The following AFDN variants were observed in gnomAD, a reference collection of about 807,000 sequenced individuals.
AFDN encodes the protein afadin.
A neutral mutation model predicts 216.6 loss-of-function variants in AFDN; 68 were observed. The observed-to-expected ratio is 0.31, with a 90% CI of 0.26 to 0.38. AFDN has a LOEUF of 0.38. Among genes scored for constraint, AFDN ranks in the 10% least tolerant of loss-of-function variants. The pLI is 1.00. For synonymous variants in AFDN, 868 were observed against 853.7 expected, an observed-to-expected ratio of 1.02 and a Z score of -0.29; for missense variants, 2,136 against 2,342.0, an observed-to-expected ratio of 0.91 and a Z score of 1.82.
intron 23 of AFDN, among the ~76,000 whole-genome samples, chr6:167,925,857 AAT>A (rs529922846): frequency 1.1e-3 from 175 of 152,312 alleles, no homozygotes; most frequent in African/African-American, 3.9e-3. Context: ...CCATGAAACA[AAT>A]ATGTGTTTAG....
Position 167,951,790 on chromosome 6 carries a change from G to T in AFDN, c.4436G>T (p.Arg1479Leu). 6.2e-7 allele frequency: 1 copy of T among 1,614,108 alleles called. No individual in the cohort carries two copies. Among genetic ancestry groups the T allele is most frequent in the Non-Finnish European group, 8.5e-7 (1 of 1,180,032 alleles). Residue 1479 changes from arginine to leucine, a missense_variant, in exon 30 of 34, where the codon CGG becomes CTG. Coordinates refer to ENST00000683244, the MANE Select transcript of AFDN (RefSeq NM_001386888.1). The surrounding 1 kb of genome is among the most constrained non-coding windows in gnomAD (Gnocchi z 7.1). Reference sequence around the variant, plus strand: ...CCCGAAAAGCCTTCCACACTCCAGCGGCCACAGGAAACAGTCATTCGGGAG... The same window carrying T: ...CCCGAAAAGCCTTCCACACTCCAGCTGCCACAGGAAACAGTCATTCGGGAG... The part of the protein sequence containing the change: ...MKPEKPSTLQ[R>L]PQETVIRELQ...
chr6:167,843,561 A>G (rs1471261980), intron 1 of AFDN, among the ~76,000 whole-genome samples: 1 of 152,244 alleles, frequency 6.6e-6, no homozygotes, highest in Non-Finnish European at 1.5e-5. Context: ...GAATGCATGC[A>G]TTAAGAAATT....
chr6:167,912,101 A>C (rs1790476980), intron 15 of AFDN: 2 of 152,508 alleles, frequency 1.3e-5, no homozygotes, highest in Admixed American at 1.3e-4. Flanking sequence ...TCTCACTTAA[A>C]ATGAAATTCT....
chr6:167,906,609 G>C (rs1282883453), intron 12 of AFDN, among the ~76,000 whole-genome samples: 3 of 152,084 alleles, frequency 2.0e-5, no homozygotes, highest in Non-Finnish European at 4.4e-5. Flanking sequence ...CAAATGGTTA[G>C]AATTGTATAC....
At chr6:167,965,713 T>C (rs759473271) in intron 31 of AFDN, 44 bp from the exon 32 acceptor site, 10 of 1,479,688 alleles carry the variant, frequency 6.8e-6, no homozygotes, top group African/African-American at 1.4e-5. Flanking sequence ...GGCTGTTCCC[T>C]TCTCACCTCT....
intron 1 of AFDN, among the ~76,000 whole-genome samples, chr6:167,859,168 G>A (rs954244009): frequency 6.9e-6 from 1 of 145,520 alleles, no homozygotes; most frequent in East Asian, 2.1e-4. Context: ...TTCAAATAGT[G>A]TTCTTGAAGT....
intron 13 of AFDN, among the ~76,000 whole-genome samples, chr6:167,909,884 G>C (rs1436883391): frequency 6.6e-6 from 1 of 152,024 alleles, no homozygotes; most frequent in Admixed American, 6.6e-5. Context: ...AATTCTTCCT[G>C]GTTATCTCTG....
chr6:167,907,203 G>C lies in AFDN; in HGVS notation c.1683G>C (p.Ser561=), dbSNP rs144371028. The change falls in exon 13 of 34, where the codon TCG becomes TCC. Residue 561 remains serine, a synonymous_variant. Coordinates refer to ENST00000683244, the MANE Select transcript of AFDN (RefSeq NM_001386888.1). ...CTAGGCTGGACAGCGACAGAGTGTC[G>C]TCTGCCTCTAGCACAGCCGAGCGGG... is the stretch of plus-strand genomic sequence containing the variant. ...STTRLDSDRV[S]SASSTAERGM... is the part of the protein sequence containing the mutation. The C allele has an allele frequency of 6.2e-7, 1 of 1,614,024 alleles. No homozygotes were observed. Among genetic ancestry groups the C allele is most frequent in the Non-Finnish European group, 8.5e-7 (1 of 1,180,004 alleles).
chr6:167,860,393 T>C (rs569358408), intron 1 of AFDN, among the ~76,000 whole-genome samples: 1 of 152,294 alleles, frequency 6.6e-6, no homozygotes, highest in East Asian at 1.9e-4. Flanking sequence ...TATTGTTATA[T>C]GCAGAGCATT....
chr6:167,915,808 A>G (rs982798300), intron 19 of AFDN, among the ~76,000 whole-genome samples: 4 of 152,244 alleles, frequency 2.6e-5, no homozygotes, highest in African/African-American at 9.6e-5. Context: ...TTCATGCACA[A>G]AGTTATTTCA....
intron 6 of AFDN, among the ~76,000 whole-genome samples, chr6:167,882,129 C>T (rs1390127634): frequency 6.6e-6 from 1 of 151,804 alleles, no homozygotes; most frequent in East Asian, 1.9e-4. Context: ...CTAAGACTTA[C>T]AGAGATAAAG....
At chr6:167,827,346 T>TG (rs1779229369) in intron 1 of AFDN, 109 bp downstream of exon 1, 1 of 118,964 alleles carries the variant, frequency 8.4e-6, no homozygotes, top group Non-Finnish European at 1.4e-5. Flanking sequence ...CCTTTCCCCC[T>TG]CCCCCCTCCG....
At chr6:167,883,389 C>T (rs1258575938) in intron 6 of AFDN, among the ~76,000 whole-genome samples, 2 of 152,154 alleles carry the variant, frequency 1.3e-5, no homozygotes, top group Non-Finnish European at 2.9e-5. Context: ...GTATTCTGTG[C>T]ATAGCAATAA....
intron 1 of AFDN, among the ~76,000 whole-genome samples, chr6:167,836,269 A>C (rs1780424033): frequency 6.6e-6 from 1 of 152,192 alleles, no homozygotes; most frequent in African/African-American, 2.4e-5. Flanking sequence ...TATTCAGCAC[A>C]ATGTGGAGTT....
intron 12 of AFDN, among the ~76,000 whole-genome samples, chr6:167,904,403 T>C (rs975058618): frequency 6.6e-6 from 1 of 152,056 alleles, no homozygotes; most frequent in African/African-American, 2.4e-5. Context: ...AGAGATCGTG[T>C]TTCGCCATGT....
chr6:167,853,929 A>G (rs1782598848), intron 1 of AFDN, among the ~76,000 whole-genome samples: 1 of 152,088 alleles, frequency 6.6e-6, no homozygotes, highest in Admixed American at 6.5e-5. Context: ...ACATTGCCAC[A>G]GTGAATAGCC....
chr6:167,922,843 G>C lies in AFDN; in HGVS notation c.2909-13G>C. The C allele has an allele frequency of 6.3e-7, 1 of 1,578,122 alleles. No individual in the cohort carries two copies. The highest frequency in any genetic ancestry group is 8.7e-7 in the Non-Finnish European group (1 of 1,151,506). ...GTGCTTTTTCACTTACAATTTGCTTGTTTCCTCCTTAGGATTTTGCAGGTT... is the reference window on the plus strand; with the variant it reads ...GTGCTTTTTCACTTACAATTTGCTTCTTTCCTCCTTAGGATTTTGCAGGTT... On this transcript the variant is annotated splice_polypyrimidine_tract_variant and intron_variant, in intron 21 of 33. Transcript: ENST00000683244.
intron 30 of AFDN, chr6:167,952,616 C>T (rs1343973019): frequency 2.0e-6 from 1 of 489,996 alleles, no homozygotes; most frequent in Admixed American, 6.4e-5. Flanking sequence ...GCTGTTGTAG[C>T]ACAAAAGCAG....
chr6:167,826,655 C>A, upstream of AFDN: 1 of 481,540 alleles, frequency 2.1e-6, no homozygotes. Context: ...CGAACCGAAC[C>A]TAGCACCGCT....
Sources: gnomAD v4.1 joint callset for allele counts (sites outside exome capture counted in the v4.1 genomes callset) on GRCh38, gnomAD v4.1.1 for gene constraint, Gnocchi (gnomAD v3.1) non-coding constraint, MANE v1.5 for transcripts, NCBI Gene and HGNC (gene_info 2026-07-23, HGNC 2026-07-21) for gene names.